Variants in COL4A5 observed in about 807,000 individuals in gnomAD.
COL4A5 encodes the protein collagen type IV alpha 5 chain.
Under a neutral mutation model 130.2 loss-of-function variants are expected in COL4A5, and 26 were observed. The ratio of observed to expected loss-of-function variants is 0.20; its 90% CI spans 0.15 to 0.28. The LOEUF is 0.28. Ranked by LOEUF, COL4A5 falls within the 10% of genes least tolerant of loss-of-function variation. COL4A5 has a pLI of 1.00. For synonymous variants in COL4A5, 496 were observed against 439.6 expected, an observed-to-expected ratio of 1.13 and a Z score of -1.60; for missense variants, 1,131 against 1,344.3, an observed-to-expected ratio of 0.84 and a Z score of 2.48.
At chrX:108,508,886 C>T (rs1483326383) in intron 1 of COL4A5, among the ~76,000 whole-genome samples, 1 of 111,915 alleles carries the variant, frequency 8.9e-6, no homozygotes, top group Non-Finnish European at 1.9e-5. Context: ...GGACCCCTTC[C>T]TTACATCACA....
At chrX:108,547,244 C>G (rs1223948166) in intron 2 of COL4A5, among the ~76,000 whole-genome samples, 2 of 111,568 alleles carry the variant, frequency 1.8e-5, no homozygotes, top group Non-Finnish European at 3.8e-5. Flanking sequence ...GTGGTTTTAT[C>G]TACCTTTGGT....
chrX:108,560,798 G>A (rs2065889066), intron 3 of COL4A5, among the ~76,000 whole-genome samples: 1 of 112,068 alleles, frequency 8.9e-6, no homozygotes, highest in Non-Finnish European at 1.9e-5. Flanking sequence ...GAATGTAAGA[G>A]TCATTGGTTA....
intron 1 of COL4A5, among the ~76,000 whole-genome samples, chrX:108,506,914 A>G (rs1164115590): frequency 9.0e-6 from 1 of 111,153 alleles, no homozygotes; most frequent in Non-Finnish European, 1.9e-5. Context: ...CCTGGTGGTC[A>G]TTGTTTATAC....
At chrX:108,583,576 A>G (rs1045794317) in intron 17 of COL4A5, among the ~76,000 whole-genome samples, 8 of 111,627 alleles carry the variant, frequency 7.2e-5, no homozygotes, top group Admixed American at 2.9e-4. Flanking sequence ...TTTTCAGGCA[A>G]GGAAGGAAAG....
At chrX:108,665,697 A>G (rs1437973216) in intron 38 of COL4A5, 110 bp downstream of exon 38, 14 of 552,629 alleles carry the variant, frequency 2.5e-5, no homozygotes, top group African/African-American at 1.8e-4. Context: ...ACAAGGAAAT[A>G]TAGTGTTCAT....
chrX:108,517,441 C>T (rs2065230019), intron 1 of COL4A5, among the ~76,000 whole-genome samples: 1 of 111,647 alleles, frequency 9.0e-6, no homozygotes, highest in African/African-American at 3.2e-5. Context: ...TAATCCATTA[C>T]TCATTTGAGT....
chrX:108,581,964 A>T (rs921685128), intron 16 of COL4A5, among the ~76,000 whole-genome samples: 1 of 110,703 alleles, frequency 9.0e-6, no homozygotes, highest in Non-Finnish European at 1.9e-5. Flanking sequence ...GGGAAATAAA[A>T]TATGTAAGTC....
chrX:108,627,031 A>G (rs887546870), intron 36 of COL4A5: 7 of 711,017 alleles, frequency 9.8e-6, no homozygotes, highest in African/African-American at 9.5e-5. Context: ...TGATATAAGA[A>G]TTTATTGAAT....
chrX:108,655,296 A>C (rs372177509), intron 36 of COL4A5, 35 bp from the exon 37 acceptor site: 54 of 1,200,870 alleles, frequency 4.5e-5, no homozygotes, highest in Non-Finnish European at 5.9e-5. Flanking sequence ...AGTCGTGTAG[A>C]GACTTCAGTA....
intron 1 of COL4A5, among the ~76,000 whole-genome samples, chrX:108,463,957 C>T (rs1044510958): frequency 2.7e-5 from 3 of 111,835 alleles, no homozygotes; most frequent in Non-Finnish European, 5.6e-5. Flanking sequence ...CTAGCTCTAA[C>T]GTTACTATGG....
At chrX:108,498,941 C>G (rs1415909388) in intron 1 of COL4A5, among the ~76,000 whole-genome samples, 1 of 110,985 alleles carries the variant, frequency 9.0e-6, no homozygotes, top group Non-Finnish European at 1.9e-5. Flanking sequence ...ATCACATTAT[C>G]TTCAAATAAG....
At chrX:108,600,452 A>G (rs901206282) in intron 25 of COL4A5, among the ~76,000 whole-genome samples, 3 of 111,515 alleles carry the variant, frequency 2.7e-5, no homozygotes, top group Non-Finnish European at 5.6e-5. Context: ...TAAGAAGTAG[A>G]TATACTTGAA....
At chrX:108,523,339 G>T (rs1474372286) in intron 1 of COL4A5, among the ~76,000 whole-genome samples, 1 of 111,953 alleles carries the variant, frequency 8.9e-6, no homozygotes, top group Non-Finnish European at 1.9e-5. Flanking sequence ...AGTGTTTGTT[G>T]TAATACTATT....
At chrX:108,448,093 G>A (rs896385769) in intron 1 of COL4A5, among the ~76,000 whole-genome samples, 8 of 112,149 alleles carry the variant, frequency 7.1e-5, no homozygotes, top group African/African-American at 2.6e-4. Flanking sequence ...TAACCAAAAG[G>A]GCAGTCTATG....
At chrX:108,458,242 G>A (rs1179598372) in intron 1 of COL4A5, among the ~76,000 whole-genome samples, 4 of 111,553 alleles carry the variant, frequency 3.6e-5, no homozygotes, top group African/African-American at 1.3e-4. Context: ...GTGGTGTTTG[G>A]TAAGAGTTCT....
intron 25 of COL4A5, among the ~76,000 whole-genome samples, chrX:108,600,679 TAG>T (rs2066612214): frequency 9.1e-6 from 1 of 109,806 alleles, no homozygotes; most frequent in Non-Finnish European, 1.9e-5. Flanking sequence ...GATAGATAGA[TAG>T]ATAGATAGAT....
At chrX:108,601,546 T>G in intron 26 of COL4A5, 61 bp downstream of exon 26, 2 of 716,189 alleles carry the variant, frequency 2.8e-6, no homozygotes, top group Non-Finnish European at 4.2e-6. Context: ...TTTTTTTTTT[T>G]GACAGAGTTT....
At position 108,647,432 on chromosome X, in the gene COL4A5, G is replaced by A. The variant is rs1341179492; in HGVS notation, c.3247-7899G>A. 2.7e-5 allele frequency among the ~76,000 whole-genome samples: 3 copies of A among 111,710 alleles called. No homozygotes were observed. In the Admixed American group the frequency reaches 2.9e-4, roughly 11 times the overall value. ...CTTGTGATTTTTGCACATCGATTTT[G>A]TATCCTGAGACTTTGCTGAAGTTGC... On this transcript the variant is annotated intron_variant, in intron 36 of 52. Transcript: ENST00000328300.
At chrX:108,617,681 T>C (rs1569497336) in intron 30 of COL4A5, among the ~76,000 whole-genome samples, 1 of 112,056 alleles carries the variant, frequency 8.9e-6, no homozygotes, top group Non-Finnish European at 1.9e-5. Context: ...CTTTGGCCAT[T>C]ACCTGTACAA....
Sources: gnomAD v4.1 joint callset for allele counts (sites outside exome capture counted in the v4.1 genomes callset) on GRCh38, gnomAD v4.1.1 for gene constraint, MANE v1.5 for transcripts, NCBI Gene and HGNC (gene_info 2026-07-23, HGNC 2026-07-21) for gene names.